Variants in TMBIM6 observed in about 807,000 individuals in gnomAD.
TMBIM6 encodes bax inhibitor 1.
A neutral mutation model predicts 31.4 loss-of-function variants in TMBIM6; 13 were observed. The ratio of observed to expected loss-of-function variants is 0.41; its 90% CI spans 0.27 to 0.66. The LOEUF is 0.66. TMBIM6 is among the 30% of genes least tolerant of loss of function. The pLI, the probability that TMBIM6 is intolerant of heterozygous loss-of-function variation, is 0.28. For missense variants in TMBIM6, 275 were observed against 289.5 expected, an observed-to-expected ratio of 0.95 and a Z score of 0.36; for synonymous variants, 85 against 101.7, an observed-to-expected ratio of 0.84 and a Z score of 0.99.
intron 1 of TMBIM6, among the ~76,000 whole-genome samples, chr12:49,744,852 A>C (rs1336411004): frequency 1.3e-5 from 2 of 152,172 alleles, no homozygotes; most frequent in Non-Finnish European, 2.9e-5. Flanking sequence ...TTTATACTGG[A>C]AGAAGATTAT....
intron 1 of TMBIM6, among the ~76,000 whole-genome samples, chr12:49,744,039 TTG>T (rs1565915621): frequency 6.6e-6 from 1 of 152,188 alleles, no homozygotes; most frequent in African/African-American, 2.4e-5. Context: ...GTGGCAGCAC[TTG>T]TGACACCAAA....
At chr12:49,744,205 TATAGTC>T (rs1945349872) in intron 1 of TMBIM6, among the ~76,000 whole-genome samples, 1 of 152,214 alleles carries the variant, frequency 6.6e-6, no homozygotes, top group Non-Finnish European at 1.5e-5. Context: ...TTTATATAAA[TATAGTC>T]AGGAGTATTA....
intron 4 of TMBIM6, among the ~76,000 whole-genome samples, chr12:49,757,397 T>G (rs1025504852): frequency 1.3e-5 from 2 of 152,224 alleles, no homozygotes; most frequent in Non-Finnish European, 2.9e-5. Flanking sequence ...CTGGCAATTA[T>G]CATAGGAGCT....
Position 49,755,660 on chromosome 12 carries a change from C to G in TMBIM6, c.191C>G (p.Ser64Cys). 1 of 1,614,056 alleles carries G rather than the reference C, an allele frequency of 6.2e-7. No homozygotes were observed. Among genetic ancestry groups the G allele is most frequent in the Non-Finnish European group, 8.5e-7 (1 of 1,179,998 alleles). Residue 64 changes from serine (S) to cysteine (C), a missense_variant, in exon 4 of 10, where the codon TCC (serine) becomes TGC (cysteine). By Grantham distance (112) the Ser-to-Cys change is moderately radical (BLOSUM62 -1). Transcript: ENST00000267115. ...IQAGLLSALG[S>C]LILMIWLMAT... ...GCTGGCCTGCTGTCTGCCTTGGGCTCCCTGATATTGATGATTTGGCTGATG... is the reference window on the plus strand; with the variant it reads ...GCTGGCCTGCTGTCTGCCTTGGGCTGCCTGATATTGATGATTTGGCTGATG...
chr12:49,755,249 G>GT lies in TMBIM6; in HGVS notation c.166-378dup, dbSNP rs374101059. Among the ~76,000 whole-genome samples, 673 of 152,102 alleles carry GT rather than the reference G, an allele frequency of 4.4e-3. 2 individuals carry two copies. The highest frequency in any genetic ancestry group is 0.016 in the African/African-American group (645 of 41,480). ...TGGGATTACAGGCGTGAGCCACCAT[G>GT]TTTTTTTTAAAGTGACCAAAGGGGG... On this transcript the variant is annotated intron_variant, in intron 3 of 9. Transcript: ENST00000267115.
intron 2 of TMBIM6, 55 bp downstream of exon 2, chr12:49,752,604 G>A: frequency 1.4e-6 from 2 of 1,404,330 alleles, no homozygotes; most frequent in Non-Finnish European, 2.0e-6. Flanking sequence ...ATATCTCTTT[G>A]TCCCTTTTCT....
At chr12:49,760,297 CAGT>C (rs949474662) in intron 8 of TMBIM6, among the ~76,000 whole-genome samples, 1 of 152,032 alleles carries the variant, frequency 6.6e-6, no homozygotes, top group Non-Finnish European at 1.5e-5. Flanking sequence ...GTTGCCTAGG[CAGT>C]AGTGTGGTGC....
At chr12:49,742,218 TG>T in intron 1 of TMBIM6, 1 of 1,613,476 alleles carries the variant, frequency 6.2e-7, no homozygotes, top group Non-Finnish European at 8.5e-7. Context: ...AGTCTGGGGC[TG>T]GGGCTGCCTT....
Position 49,764,066 on chromosome 12 carries a change from A to G in TMBIM6, c.*1170A>G, listed in dbSNP as rs2136970452. On this transcript the variant is annotated 3_prime_UTR_variant, in exon 10 of 10. Transcript: ENST00000267115. Reference sequence around the variant, plus strand: ...GATGCACTTTAGTTTTTGGTCTGTTACCTGTTTTCCAGAAATTTGTGGCCT... The same window carrying G: ...GATGCACTTTAGTTTTTGGTCTGTTGCCTGTTTTCCAGAAATTTGTGGCCT... 6.6e-6 allele frequency: 1 copy of G among 152,280 alleles called. No individual in the cohort carries two copies. Among genetic ancestry groups the G allele is most frequent in the Non-Finnish European group, 1.5e-5 (1 of 68,018 alleles). The allele number at this position is 152,280 out of a possible 1,614,324, so 9.4% of individuals were successfully genotyped here.
chr12:49,756,303 T>TA (rs1442463331), intron 4 of TMBIM6, among the ~76,000 whole-genome samples: 12 of 150,764 alleles, frequency 8.0e-5, no homozygotes, highest in African/African-American at 2.9e-4. Flanking sequence ...GCCCGGCTAA[T>TA]TTTTGTATTT....
intron 9 of TMBIM6, 130 bp downstream of exon 9, chr12:49,761,909 G>A: frequency 2.4e-6 from 2 of 822,642 alleles, no homozygotes; most frequent in South Asian, 3.9e-5. Context: ...AGGCCACTGA[G>A]TAAGAGGTAA....
chr12:49,750,287 G>A (rs1001477169), intron 1 of TMBIM6, among the ~76,000 whole-genome samples: 17 of 152,178 alleles, frequency 1.1e-4, no homozygotes, highest in African/African-American at 3.4e-4. Flanking sequence ...TCCCCTGGGC[G>A]TTTGAGGATC....
chr12:49,756,868 C>G (rs927128304), intron 4 of TMBIM6, among the ~76,000 whole-genome samples: 1 of 152,072 alleles, frequency 6.6e-6, no homozygotes, highest in Non-Finnish European at 1.5e-5. Context: ...TCCCGAATAG[C>G]TGGGATTATA....
Position 49,764,257 on chromosome 12 carries a change from G to A in TMBIM6, c.*1361G>A, listed in dbSNP as rs1329702468. The A allele has an allele frequency of 6.6e-6, 1 of 152,178 alleles. No individual in the cohort carries two copies. The highest frequency in any genetic ancestry group is 2.1e-4 in the South Asian group (1 of 4,824). The allele number at this position is 152,178 out of a possible 1,614,324, so 9.4% of individuals were successfully genotyped here. ...CAATGTTGGGAGTGGTTGTGGCTCT[G>A]AGCTGCTCTACAGAGCTTCAGTGTG... is the stretch of plus-strand genomic sequence containing the variant. On this transcript the variant is annotated 3_prime_UTR_variant, in exon 10 of 10. Transcript: ENST00000267115.
At chr12:49,747,942 C>T (rs568755851) in intron 1 of TMBIM6, among the ~76,000 whole-genome samples, 35 of 152,214 alleles carry the variant, frequency 2.3e-4, no homozygotes, top group Middle Eastern at 3.4e-3. Context: ...CTCGCACTGT[C>T]ACCCATGGTG....
At chr12:49,759,027 T>A in intron 7 of TMBIM6, 194 bp from the exon 8 acceptor site, 3 of 628,098 alleles carry the variant, frequency 4.8e-6, no homozygotes, top group Non-Finnish European at 5.6e-6. Flanking sequence ...TTGAAACTCT[T>A]CCAGTGACCA....
intron 2 of TMBIM6, 71 bp downstream of exon 2, chr12:49,752,620 T>G (rs1945516248): frequency 3.0e-6 from 4 of 1,333,568 alleles, no homozygotes; most frequent in Non-Finnish European, 4.3e-6. Flanking sequence ...TTTCTGCATT[T>G]ATAACTTTTG....
chr12:49,759,341 T>G lies in TMBIM6; in HGVS notation c.614+20T>G, dbSNP rs902049235. The G allele has an allele frequency of 1.3e-5, 21 of 1,595,502 alleles. No homozygotes were observed. The highest frequency in any genetic ancestry group is 1.7e-5 in the Non-Finnish European group (20 of 1,163,206). ...TATCTGGTGAGTGTGGGAACTAGTC[T>G]TTAACAAGCATGAAGGTTGAGGCAT... is the stretch of plus-strand genomic sequence containing the variant. On this transcript the variant is annotated intron_variant, in intron 8 of 9. Coordinates refer to ENST00000267115, the MANE Select transcript of TMBIM6 (RefSeq NM_003217.3).
At chr12:49,751,311 A>T (rs1413733363) in intron 1 of TMBIM6, among the ~76,000 whole-genome samples, 1 of 152,306 alleles carries the variant, frequency 6.6e-6, no homozygotes, top group Non-Finnish European at 1.5e-5. Flanking sequence ...TGCTTTCAGG[A>T]TATACACACT....
Sources: allele counts gnomAD v4.1 joint callset (sites outside exome capture counted in the v4.1 genomes callset), GRCh38; gene constraint gnomAD v4.1.1; transcripts MANE v1.5; gene names NCBI Gene and HGNC (gene_info 2026-07-23, HGNC 2026-07-21).